AKAP9: variants seen among roughly 807,000 people sequenced by gnomAD.
The protein encoded by AKAP9 is A-kinase anchor protein 9.
Under a neutral mutation model 488.5 loss-of-function variants are expected in AKAP9, and 311 were observed. The observed-to-expected ratio is 0.64, with a 90% CI of 0.58 to 0.70. The LOEUF (loss-of-function observed/expected upper bound fraction) is 0.70. Ranked by LOEUF, AKAP9 falls within the 30% of genes least tolerant of loss-of-function variation. AKAP9 has a pLI of 0.00. For synonymous variants in AKAP9, 1,462 were observed against 1,483.5 expected (o/e 0.99, Z 0.33); for missense variants, 4,215 against 4,374.5 (o/e 0.96, Z 1.03).
intron 21 of AKAP9, among the ~76,000 whole-genome samples, chr7:92,051,938 GA>G (rs1808050969): frequency 6.6e-6 from 1 of 152,102 alleles, no homozygotes; most frequent in South Asian, 2.1e-4. Flanking sequence ...ATAGCTTAGA[GA>G]AAATACTTGG....
At chr7:92,040,540 A>G (rs1476788318) in intron 17 of AKAP9, 134 bp from the exon 18 acceptor site, 5 of 643,458 alleles carry the variant, frequency 7.8e-6, no homozygotes, top group Non-Finnish European at 1.3e-5. Context: ...TTTTTGTTTA[A>G]TAATAAAATA....
chr7:92,090,799 A>G (rs899997196), intron 38 of AKAP9, among the ~76,000 whole-genome samples: 3 of 152,226 alleles, frequency 2.0e-5, no homozygotes, highest in African/African-American at 7.2e-5. Context: ...TCTTCTGAGT[A>G]TATGACTAAG....
At chr7:92,034,961 A>G (rs1055330677) in intron 16 of AKAP9, among the ~76,000 whole-genome samples, 7 of 152,010 alleles carry the variant, frequency 4.6e-5, no homozygotes, top group African/African-American at 4.8e-5. Context: ...TTTATTTTCA[A>G]TTGCTACCCA....
rs1816309030 is a variant in AKAP9 at position 92,094,968 on chromosome 7, A to G, written c.9579-55A>G. The G allele has an allele frequency of 3.2e-6, 5 of 1,564,396 alleles. No homozygotes were observed. In the South Asian group the frequency reaches 4.5e-5, roughly 14 times the overall value. On this transcript the variant is annotated intron_variant, in intron 39 of 49. Coordinates refer to ENST00000356239, the MANE Select transcript of AKAP9 (RefSeq NM_005751.5). ...AGTAGAAGCTGTTTTTCTCTCTCTC[A>G]TTATATGCTTCGTCAACATAGCTTT...
At chr7:91,983,016 T>A (rs1292472145) in intron 3 of AKAP9, among the ~76,000 whole-genome samples, 1 of 152,108 alleles carries the variant, frequency 6.6e-6, no homozygotes, top group Non-Finnish European at 1.5e-5. Flanking sequence ...ATCCTTTGCC[T>A]GTTTTTTGAT....
At chr7:92,028,114 A>C (rs1326508543) in intron 14 of AKAP9, among the ~76,000 whole-genome samples, 14 of 152,006 alleles carry the variant, frequency 9.2e-5, no homozygotes, top group Admixed American at 9.2e-4. Flanking sequence ...AAGAGTCATC[A>C]CCACTCCCTA....
chr7:91,940,958 C>G lies in AKAP9; in HGVS notation c.-142C>G. On this transcript the variant is annotated 5_prime_UTR_variant, in exon 1 of 50. Transcript: ENST00000356239. ...CGCCAGTGAGCGCGGAGACTGCTTC[C>G]ACTTCGGGCGGGGGAGCGCCGGACC... The G allele has an allele frequency of 1.2e-6, 1 of 867,970 alleles. No individual in the cohort carries two copies. Among genetic ancestry groups the G allele is most frequent in the Non-Finnish European group, 1.9e-6 (1 of 516,338 alleles). 53.8% of individuals were successfully genotyped at this position (867,970 alleles called of 1,614,324 possible).
chr7:91,983,454 A>G (rs953994045), intron 3 of AKAP9, among the ~76,000 whole-genome samples: 11 of 152,276 alleles, frequency 7.2e-5, no homozygotes, highest in East Asian at 5.8e-4. Flanking sequence ...TCTATCATTG[A>G]TGGACATTTG....
intron 1 of AKAP9, among the ~76,000 whole-genome samples, chr7:91,953,063 G>C (rs918948873): frequency 1.3e-5 from 2 of 152,184 alleles, no homozygotes; most frequent in African/African-American, 4.8e-5. Flanking sequence ...GCTGTGTGGA[G>C]GATAGGTTGA....
At chr7:91,997,551 G>T (rs914571274) in intron 7 of AKAP9, among the ~76,000 whole-genome samples, 8 of 152,178 alleles carry the variant, frequency 5.3e-5, no homozygotes, top group African/African-American at 1.9e-4. Flanking sequence ...TTTTTAGATA[G>T]AGTGTGGAGT....
At chr7:92,044,954 GTGTT>G in intron 20 of AKAP9, 50 bp from the exon 21 acceptor site, 2 of 1,394,704 alleles carry the variant, frequency 1.4e-6, no homozygotes, top group Non-Finnish European at 2.0e-6. Flanking sequence ...CATAAGCAAA[GTGTT>G]TGCTTCAAAA....
rs987790788 is a variant in AKAP9 at position 92,061,146 on chromosome 7, A to G, written c.5602-114A>G. ...CACTGGCAATATCTAAATGACTACA[A>G]TTCAGTAGTATATCTTTATTTTAAA... On this transcript the variant is annotated intron_variant, in intron 22 of 49. Transcript: ENST00000356239. 1.4e-5 allele frequency: 17 copies of G among 1,220,262 alleles called. No homozygotes were observed. In the South Asian group the frequency reaches 1.4e-4, roughly 10 times the overall value. 75.6% of individuals were successfully genotyped at this position (1,220,262 alleles called of 1,614,324 possible). A position where few individuals can be genotyped will look rare whatever the true frequency, so the allele number is the denominator to read the frequency against.
intron 3 of AKAP9, among the ~76,000 whole-genome samples, chr7:91,981,370 A>G (rs1433525984): frequency 6.6e-6 from 1 of 152,126 alleles, no homozygotes; most frequent in Non-Finnish European, 1.5e-5. Context: ...TATAACATTT[A>G]AAAATATAGT....
intron 46 of AKAP9, among the ~76,000 whole-genome samples, chr7:92,103,387 C>CA (rs898565298): frequency 0.019 from 495 of 25,870 alleles, 49 homozygotes; most frequent in African/African-American, 0.049. Context: ...GAGACTCTGT[C>CA]AAAAAAAAAA....
At chr7:92,065,120 A>G (rs1475805417) in intron 24 of AKAP9, 111 bp from the exon 25 acceptor site, 1 of 621,746 alleles carries the variant, frequency 1.6e-6, no homozygotes, top group Non-Finnish European at 2.8e-6. Context: ...TGTATTTAAA[A>G]TAATTCTCAG....
Position 92,066,525 on chromosome 7 carries a change from C to T in AKAP9, c.6309C>T (p.Ile2103=). 1 of 1,613,502 alleles carries T rather than the reference C, an allele frequency of 6.2e-7. No homozygotes were observed. The highest frequency in any genetic ancestry group is 1.3e-5 in the African/African-American group (1 of 75,032). ...AGGTTGTTCCTCGATTCCAGCCTAT[C>T]AGTGAACATCAAACTAGAGAGGTAA... ...QLKVVPRFQP[I]SEHQTREVEQ... is the part of the protein sequence containing the mutation. Residue 2103 remains isoleucine, a synonymous_variant, in exon 26 of 50, where the codon ATC becomes ATT. Transcript: ENST00000356239.
intron 16 of AKAP9, among the ~76,000 whole-genome samples, chr7:92,033,061 A>G (rs1804550222): frequency 6.6e-6 from 1 of 152,200 alleles, no homozygotes; most frequent in Non-Finnish European, 1.5e-5. Flanking sequence ...CACTTAGCAA[A>G]TGAGTTGATA....
intron 1 of AKAP9, among the ~76,000 whole-genome samples, chr7:91,944,490 G>A (rs756489939): frequency 3.3e-5 from 5 of 151,680 alleles, no homozygotes; most frequent in African/African-American, 4.8e-5. Context: ...AGGTTCAAGC[G>A]ATTCTCCTGC....
intron 3 of AKAP9, among the ~76,000 whole-genome samples, chr7:91,981,995 T>A (rs1000384352): frequency 6.6e-6 from 1 of 152,188 alleles, no homozygotes; most frequent in African/African-American, 2.4e-5. Context: ...ACGAAGTGCA[T>A]TTTTCTCTTT....
Sources: allele counts gnomAD v4.1 joint callset (sites outside exome capture counted in the v4.1 genomes callset), GRCh38; gene constraint gnomAD v4.1.1; transcripts MANE v1.5; gene names NCBI Gene and HGNC (gene_info 2026-07-23, HGNC 2026-07-21).